The following RARB variants were observed in gnomAD, a reference collection of about 807,000 sequenced individuals.
RARB encodes the protein HBV-activated protein.
RARB carries 17 observed loss-of-function variants against 51.9 expected under a neutral mutation model. The ratio of observed to expected loss-of-function variants is 0.33; its 90% confidence interval spans 0.22 to 0.49. The LOEUF is 0.49. Among genes scored for constraint, RARB ranks in the 20% least tolerant of loss-of-function variants. The pLI, the probability that RARB is intolerant of heterozygous loss-of-function variation, is 0.99. For missense variants in RARB, 369 were observed against 550.8 expected, an observed-to-expected ratio of 0.67 and a Z score of 3.30; for synonymous variants, 215 against 195.4, an observed-to-expected ratio of 1.10 and a Z score of -0.84.
At chr3:25,588,725 A>G (rs982678120) in intron 5 of RARB, among the ~76,000 whole-genome samples, 9 of 152,168 alleles carry the variant, frequency 5.9e-5, no homozygotes, top group Admixed American at 5.9e-4. Flanking sequence ...ACAATCGCTC[A>G]TCACATTTGT....
chr3:24,897,440 T>A (rs1703501347), intron 2 of RARB, among the ~76,000 whole-genome samples: 1 of 152,204 alleles, frequency 6.6e-6, no homozygotes, highest in South Asian at 2.1e-4. Context: ...GCTCCCGGAC[T>A]GAAATATCTC....
intron 2 of RARB, among the ~76,000 whole-genome samples, chr3:25,017,733 C>T (rs1442306067): frequency 2.6e-5 from 4 of 152,106 alleles, no homozygotes; most frequent in Admixed American, 6.6e-5. Context: ...TGAATCAAGG[C>T]CAATCACTTA....
At chr3:25,025,601 A>G (rs1296862135) in intron 2 of RARB, among the ~76,000 whole-genome samples, 3 of 152,196 alleles carry the variant, frequency 2.0e-5, no homozygotes, top group African/African-American at 7.2e-5. Context: ...AGGTATTACA[A>G]ATGAACAAAG....
At chr3:25,261,416 G>T (rs529452388) in intron 5 of RARB, among the ~76,000 whole-genome samples, 1 of 152,024 alleles carries the variant, frequency 6.6e-6, no homozygotes, top group Admixed American at 6.6e-5. Context: ...TCTCTTTTCT[G>T]TAGTACCTGT....
At chr3:25,113,889 C>T (rs1443721079) in intron 3 of RARB, among the ~76,000 whole-genome samples, 1 of 152,046 alleles carries the variant, frequency 6.6e-6, no homozygotes, top group Non-Finnish European at 1.5e-5. Context: ...TCCAAGAGAA[C>T]ATGTGTAAGG....
intron 3 of RARB, among the ~76,000 whole-genome samples, chr3:25,100,189 G>A (rs1008158443): frequency 1.8e-4 from 28 of 152,036 alleles, no homozygotes; most frequent in East Asian, 1.9e-4. Context: ...CAACATATCC[G>A]TTTTTATATT....
chr3:24,873,542 T>G (rs1702985637), intron 2 of RARB, among the ~76,000 whole-genome samples: 1 of 152,026 alleles, frequency 6.6e-6, no homozygotes, highest in African/African-American at 2.4e-5. Context: ...GGGGACCAAA[T>G]GGATTGTGGG....
intron 2 of RARB, among the ~76,000 whole-genome samples, chr3:24,997,410 T>A (rs1697065553): frequency 6.6e-6 from 1 of 152,104 alleles, no homozygotes; most frequent in Non-Finnish European, 1.5e-5. Context: ...GTCTTTATCT[T>A]TTAAGTTGAG....
chr3:25,049,882 C>G (rs542411922), intron 2 of RARB, among the ~76,000 whole-genome samples: 2 of 152,196 alleles, frequency 1.3e-5, no homozygotes, highest in African/African-American at 4.8e-5. Context: ...GAATAAAAAG[C>G]AAAATATAGT....
chr3:25,080,214 T>C (rs1283883470), intron 3 of RARB, among the ~76,000 whole-genome samples: 2 of 152,224 alleles, frequency 1.3e-5, no homozygotes, highest in African/African-American at 4.8e-5. Flanking sequence ...TTGTTTCACT[T>C]AGAAGAATGT....
At chr3:25,077,964 G>A (rs747350989) in intron 3 of RARB, among the ~76,000 whole-genome samples, 6 of 151,820 alleles carry the variant, frequency 4.0e-5, no homozygotes, top group Non-Finnish European at 8.8e-5. Context: ...TTTTTCCCAT[G>A]GCTTTTATTC....
intron 2 of RARB, among the ~76,000 whole-genome samples, chr3:24,951,102 G>A (rs907988147): frequency 6.6e-6 from 1 of 152,160 alleles, no homozygotes; most frequent in Non-Finnish European, 1.5e-5. Flanking sequence ...CTTTTTCAGT[G>A]AATTTTATGA....
chr3:25,240,497 A>G (rs1037514995), intron 5 of RARB, among the ~76,000 whole-genome samples: 1 of 152,018 alleles, frequency 6.6e-6, no homozygotes, highest in African/African-American at 2.4e-5. Context: ...ATTTTGTGGT[A>G]TGTTTCCTTC....
intron 5 of RARB, among the ~76,000 whole-genome samples, chr3:25,202,921 G>A (rs887114447): frequency 3.9e-5 from 6 of 152,144 alleles, no homozygotes; most frequent in African/African-American, 1.4e-4. Flanking sequence ...GTTGATTTGG[G>A]GTGGAGAGTT....
At chr3:24,915,669 G>A (rs1695092954) in intron 2 of RARB, among the ~76,000 whole-genome samples, 1 of 152,232 alleles carries the variant, frequency 6.6e-6, no homozygotes, top group South Asian at 2.1e-4. Flanking sequence ...TTGCCATACA[G>A]CGTTGTGGGT....
At chr3:25,137,039 GT>G (rs1700040596) in intron 4 of RARB, among the ~76,000 whole-genome samples, 1 of 151,968 alleles carries the variant, frequency 6.6e-6, no homozygotes, top group Non-Finnish European at 1.5e-5. Flanking sequence ...TTTTCAAACT[GT>G]TTGTGTAATC....
chr3:25,448,205 T>C (rs998088286), intron 1 of RARB, among the ~76,000 whole-genome samples: 1 of 152,072 alleles, frequency 6.6e-6, no homozygotes, highest in African/African-American at 2.4e-5. Flanking sequence ...ACAACTTGCC[T>C]ATAAAGGTGG....
chr3:25,170,600 A>G (rs1410658566), intron 4 of RARB, among the ~76,000 whole-genome samples: 1 of 152,190 alleles, frequency 6.6e-6, no homozygotes, highest in Non-Finnish European at 1.5e-5. Context: ...ATAAATTTGA[A>G]TTGTCGAGAA....
intron 2 of RARB, among the ~76,000 whole-genome samples, chr3:25,058,729 T>C (rs1214070522): frequency 6.6e-6 from 1 of 151,768 alleles, no homozygotes; most frequent in African/African-American, 2.4e-5. Context: ...AACCAACCAA[T>C]TGATTATGCA....
Sources: gnomAD v4.1 joint callset for allele counts (sites outside exome capture counted in the v4.1 genomes callset) on GRCh38, gnomAD v4.1.1 for gene constraint, MANE v1.5 for transcripts, NCBI Gene and HGNC (gene_info 2026-07-23, HGNC 2026-07-21) for gene names.